The following C8orf34 variants were observed in gnomAD, a reference collection of about 807,000 sequenced individuals.
C8orf34 encodes the protein uncharacterized protein C8orf34.
C8orf34 carries 65 observed loss-of-function variants against 68.3 expected under a neutral mutation model. That is an observed-to-expected ratio of 0.95 (90% CI 0.78 to 1.17). C8orf34 has a LOEUF of 1.17. C8orf34 is among the 50% of genes most tolerant of loss of function. The pLI is 0.00. For synonymous variants in C8orf34, 244 were observed against 241.2 expected, an observed-to-expected ratio of 1.01 and a Z score of -0.11; for missense variants, 664 against 655.4, an observed-to-expected ratio of 1.01 and a Z score of -0.14.
At chr8:68,474,042 G>A (rs1036284317) in intron 4 of C8orf34, among the ~76,000 whole-genome samples, 10 of 152,026 alleles carry the variant, frequency 6.6e-5, no homozygotes, top group East Asian at 1.9e-4. Flanking sequence ...CCTATGGTTC[G>A]TGATTGATCC....
Position 68,373,317 on chromosome 8 carries a change from T to A in C8orf34, c.327+41978T>A, listed in dbSNP as rs143578031. On this transcript the variant is annotated intron_variant, in intron 1 of 13. Transcript: ENST00000518698. ...GCCAGAAATGGTAATTTCATAACTG[T>A]CAAAAAGACATTCATCTTGACTTGC... 2.1e-3 allele frequency among the ~76,000 whole-genome samples: 315 copies of A among 152,138 alleles called. 2 individuals carry two copies. The highest frequency in any genetic ancestry group is 6.8e-3 in the African/African-American group (283 of 41,500).
chr8:68,519,603 A>G (rs1263638114), intron 5 of C8orf34, among the ~76,000 whole-genome samples: 1 of 152,162 alleles, frequency 6.6e-6, no homozygotes, highest in East Asian at 1.9e-4. Flanking sequence ...TATATTTTAT[A>G]TGACTTTGTT....
At chr8:68,608,892 G>A (rs979964129) in intron 7 of C8orf34, among the ~76,000 whole-genome samples, 5 of 152,164 alleles carry the variant, frequency 3.3e-5, no homozygotes, top group Admixed American at 3.3e-4. Flanking sequence ...TTGGAGCTGA[G>A]CACAGTGGCT....
chr8:68,790,310 C>T (rs1823958386), intron 12 of C8orf34, among the ~76,000 whole-genome samples: 1 of 152,172 alleles, frequency 6.6e-6, no homozygotes, highest in African/African-American at 2.4e-5. Flanking sequence ...AATTTACAGG[C>T]TCATATCCTA....
At chr8:68,398,409 G>A (rs369529740) in intron 1 of C8orf34, among the ~76,000 whole-genome samples, 14 of 152,194 alleles carry the variant, frequency 9.2e-5, no homozygotes, top group East Asian at 3.9e-4. Flanking sequence ...ACATAAGCCT[G>A]AAAGGAATTT....
chr8:68,501,876 A>C (rs1813787232), intron 5 of C8orf34, among the ~76,000 whole-genome samples: 1 of 152,182 alleles, frequency 6.6e-6, no homozygotes, highest in Non-Finnish European at 1.5e-5. Context: ...CTAGATACAC[A>C]TAGGTACAAA....
chr8:68,743,592 T>G (rs2129527319), intron 10 of C8orf34, among the ~76,000 whole-genome samples: 1 of 152,322 alleles, frequency 6.6e-6, no homozygotes, highest in East Asian at 1.9e-4. Context: ...GGTCAGGGAG[T>G]TCCCTTTCCT....
At chr8:68,359,993 G>C (rs1266156991) in intron 1 of C8orf34, among the ~76,000 whole-genome samples, 1 of 152,106 alleles carries the variant, frequency 6.6e-6, no homozygotes, top group Non-Finnish European at 1.5e-5. Flanking sequence ...ACATTTCATG[G>C]AGGTGATCTT....
At chr8:68,702,490 A>G (rs1341615271) in intron 8 of C8orf34, among the ~76,000 whole-genome samples, 4 of 152,128 alleles carry the variant, frequency 2.6e-5, no homozygotes, top group African/African-American at 7.2e-5. Flanking sequence ...TTCTTATTCA[A>G]TTCAAAAAAA....
At chr8:68,758,938 C>T (rs1156666509) in intron 10 of C8orf34, among the ~76,000 whole-genome samples, 4 of 152,114 alleles carry the variant, frequency 2.6e-5, no homozygotes, top group Non-Finnish European at 5.9e-5. Flanking sequence ...ACTGGCACAG[C>T]TGTGATCTTA....
chr8:68,786,999 G>C (rs1183202420), intron 11 of C8orf34, among the ~76,000 whole-genome samples: 1 of 152,020 alleles, frequency 6.6e-6, no homozygotes, highest in East Asian at 1.9e-4. Flanking sequence ...AGTGAGAAGA[G>C]GAAGGAGGCA....
At chr8:68,374,788 A>G (rs2129619911) in intron 1 of C8orf34, among the ~76,000 whole-genome samples, 1 of 152,324 alleles carries the variant, frequency 6.6e-6, no homozygotes, top group Non-Finnish European at 1.5e-5. Flanking sequence ...AAATGCTTGG[A>G]ATATGCAATT....
At chr8:68,655,461 T>C (rs1211794393) in intron 8 of C8orf34, among the ~76,000 whole-genome samples, 1 of 152,228 alleles carries the variant, frequency 6.6e-6, no homozygotes, top group East Asian at 1.9e-4. Context: ...TTACCATTTT[T>C]CACTTTAGAA....
intron 5 of C8orf34, among the ~76,000 whole-genome samples, chr8:68,500,106 A>G (rs571763306): frequency 6.6e-6 from 1 of 152,330 alleles, no homozygotes; most frequent in African/African-American, 2.4e-5. Context: ...TGCCAGCACC[A>G]TGGTTCCTAT....
intron 7 of C8orf34, among the ~76,000 whole-genome samples, chr8:68,614,509 G>C (rs946245715): frequency 2.0e-5 from 3 of 152,124 alleles, no homozygotes; most frequent in Non-Finnish European, 4.4e-5. Context: ...TCTACATACG[G>C]CTAGCCAGTT....
chr8:68,774,678 AT>A lies in C8orf34; in HGVS notation c.1405-1716del, dbSNP rs1412474465. 2.0e-5 allele frequency among the ~76,000 whole-genome samples: 3 copies of A among 151,938 alleles called. No homozygotes were observed. The South Asian group carries it at 6.2e-4, about 32-fold the overall frequency. ...ATACCAGCATTCTATTTCTAGCTCA[AT>A]TTTTGTTTTGACATGAGCATGCCTC... On this transcript the variant is annotated intron_variant, in intron 10 of 13. Transcript: ENST00000518698.
intron 10 of C8orf34, among the ~76,000 whole-genome samples, chr8:68,727,559 G>T (rs1203086163): frequency 6.6e-6 from 1 of 152,216 alleles, no homozygotes; most frequent in Admixed American, 6.5e-5. Flanking sequence ...CTTCTGCACT[G>T]CCCTAGCAGA....
At chr8:68,701,890 T>G (rs1244565438) in intron 8 of C8orf34, among the ~76,000 whole-genome samples, 1 of 151,982 alleles carries the variant, frequency 6.6e-6, no homozygotes, top group Non-Finnish European at 1.5e-5. Flanking sequence ...CCTGTAATGC[T>G]CTTTCCCAGA....
At chr8:68,757,879 T>G (rs554088247) in intron 10 of C8orf34, among the ~76,000 whole-genome samples, 2 of 152,318 alleles carry the variant, frequency 1.3e-5, no homozygotes, top group East Asian at 1.9e-4. Context: ...CTTACTATTT[T>G]TACTCATAAA....
Sources: gnomAD v4.1 joint callset for allele counts (sites outside exome capture counted in the v4.1 genomes callset) on GRCh38, gnomAD v4.1.1 for gene constraint, MANE v1.5 for transcripts, NCBI Gene and HGNC (gene_info 2026-07-23, HGNC 2026-07-21) for gene names.